CNNM4: variants seen among roughly 807,000 people sequenced by gnomAD.
CNNM4 encodes the protein cyclin and CBS domain divalent metal cation transport mediator 4.
In CNNM4, 32 loss-of-function variants were observed where a neutral mutation model predicts 53.7. That is an observed-to-expected ratio of 0.60 (90% CI 0.45 to 0.80). The LOEUF (loss-of-function observed/expected upper bound fraction) is 0.80. Among genes scored for constraint, CNNM4 ranks in the 30% least tolerant of loss-of-function variants. The pLI is 0.00. For synonymous variants in CNNM4, 410 were observed against 440.0 expected, an observed-to-expected ratio of 0.93 and a Z score of 0.85; for missense variants, 784 against 1,022.0, an observed-to-expected ratio of 0.77 and a Z score of 3.17.
At chr2:96,771,461 T>C (rs983562908) in intron 1 of CNNM4, among the ~76,000 whole-genome samples, 1 of 152,058 alleles carries the variant, frequency 6.6e-6, no homozygotes, top group African/African-American at 2.4e-5. Flanking sequence ...TCCCAGTACT[T>C]TGGGAGGCCG....
intron 1 of CNNM4, among the ~76,000 whole-genome samples, chr2:96,784,653 A>T (rs557786440): frequency 3.5e-4 from 54 of 152,344 alleles, no homozygotes; most frequent in South Asian, 1.0e-3. Flanking sequence ...GAAGAAGGCT[A>T]TCTGTAGCAG....
chr2:96,763,902 T>C (rs1040205890), intron 1 of CNNM4, among the ~76,000 whole-genome samples: 2 of 143,522 alleles, frequency 1.4e-5, no homozygotes, highest in African/African-American at 2.5e-5. Flanking sequence ...TGGGGGCGGC[T>C]TTGGGAGTGC....
At chr2:96,795,369 C>T (rs1050225309) in intron 1 of CNNM4, among the ~76,000 whole-genome samples, 6 of 152,186 alleles carry the variant, frequency 3.9e-5, no homozygotes, top group East Asian at 1.9e-4. Context: ...TATTTTCAAT[C>T]GAGTCCAGCC....
chr2:96,787,419 T>C (rs945384290), intron 1 of CNNM4, among the ~76,000 whole-genome samples: 1 of 152,196 alleles, frequency 6.6e-6, no homozygotes, highest in African/African-American at 2.4e-5. Context: ...AGCTAGTGGT[T>C]TTTCTTAGGG....
At chr2:96,773,063 G>A (rs138399732) in intron 1 of CNNM4, among the ~76,000 whole-genome samples, 8 of 152,170 alleles carry the variant, frequency 5.3e-5, no homozygotes, top group African/African-American at 1.9e-4. Context: ...ACACAGGCTC[G>A]CAAACGCCCA....
chr2:96,777,929 C>T (rs899070360), intron 1 of CNNM4, among the ~76,000 whole-genome samples: 11 of 151,178 alleles, frequency 7.3e-5, no homozygotes, highest in African/African-American at 2.2e-4. Context: ...CACAGTAGTG[C>T]GATCTTGGCT....
In CNNM4 at chr2:96,762,412, A is replaced by T. The variant is rs2078773976; in HGVS notation, c.1402+11A>T. 1 of 1,612,732 alleles carries T rather than the reference A, an allele frequency of 6.2e-7. No individual in the cohort carries two copies. Among genetic ancestry groups the T allele is most frequent in the East Asian group, 2.2e-5 (1 of 44,866 alleles). On this transcript the variant is annotated intron_variant, in intron 1 of 6. Transcript: ENST00000377075. ...AGGAGTTCAAGAAGGGTAAGGCCAGATGTAGTTCCCCTGGTTCAATTTCCT... is the reference window on the plus strand; with the variant it reads ...AGGAGTTCAAGAAGGGTAAGGCCAGTTGTAGTTCCCCTGGTTCAATTTCCT...
intron 1 of CNNM4, among the ~76,000 whole-genome samples, chr2:96,791,082 T>C (rs1210899365): frequency 7.0e-6 from 1 of 143,880 alleles, no homozygotes; most frequent in Non-Finnish European, 1.5e-5. Context: ...ATCGCACCAC[T>C]GCACTCCAGC....
At chr2:96,794,743 T>C (rs926837149) in intron 1 of CNNM4, among the ~76,000 whole-genome samples, 1 of 152,144 alleles carries the variant, frequency 6.6e-6, no homozygotes, top group Non-Finnish European at 1.5e-5. Flanking sequence ...GAACCCTTGA[T>C]TTTGTGACAT....
At chr2:96,782,207 G>C (rs2078981049) in intron 1 of CNNM4, among the ~76,000 whole-genome samples, 1 of 152,090 alleles carries the variant, frequency 6.6e-6, no homozygotes, top group Admixed American at 6.6e-5. Flanking sequence ...TTGGGAGGCT[G>C]AGACGAATGG....
intron 3 of CNNM4, 141 bp from the exon 4 acceptor site, chr2:96,798,916 C>T (rs1465349727): frequency 1.2e-6 from 1 of 814,948 alleles, no homozygotes; most frequent in Non-Finnish European, 2.1e-6. Flanking sequence ...CAGGGAGGTG[C>T]AGAACGAGGG....
In CNNM4 at chr2:96,760,987, G is replaced by A; in HGVS notation, c.-13G>A. 9.1e-7 allele frequency: 1 copy of A among 1,101,382 alleles called. No individual in the cohort carries two copies. Among genetic ancestry groups the A allele is most frequent in the Non-Finnish European group, 1.1e-6 (1 of 905,144 alleles). 68.2% of individuals were successfully genotyped at this position (1,101,382 alleles called of 1,614,324 possible). A position where few individuals can be genotyped will look rare whatever the true frequency, so the allele number is the denominator to read the frequency against. On this transcript the variant is annotated 5_prime_UTR_variant, in exon 1 of 7. Transcript: ENST00000377075. ...GGCGCGGGGAGCGGCGGCGGCGGCA[G>A]AGCCAGAGCAACATGGCGCCGGTGG...
At chr2:96,805,070 TAG>T (rs2079189613) in intron 5 of CNNM4, among the ~76,000 whole-genome samples, 1 of 152,260 alleles carries the variant, frequency 6.6e-6, no homozygotes, top group Admixed American at 6.5e-5. Context: ...TTCCTGTTTC[TAG>T]AGTGTTAGCA....
chr2:96,802,891 G>A (rs911253964), intron 5 of CNNM4, among the ~76,000 whole-genome samples: 5 of 152,140 alleles, frequency 3.3e-5, no homozygotes, highest in African/African-American at 7.2e-5. Context: ...CAACCAGGCC[G>A]CAGAGGGCAC....
intron 1 of CNNM4, among the ~76,000 whole-genome samples, chr2:96,792,049 C>T (rs2079066534): frequency 6.6e-6 from 1 of 151,508 alleles, no homozygotes; most frequent in Non-Finnish European, 1.5e-5. Flanking sequence ...AGATCAGGAG[C>T]AGGAGAGTAG....
Position 96,797,754 on chromosome 2 carries a change from G to T in CNNM4, c.1681+107G>T. 1 of 1,473,486 alleles carries T rather than the reference G, an allele frequency of 6.8e-7. No individual in the cohort carries two copies. The highest frequency in any genetic ancestry group is 1.4e-5 in the African/African-American group (1 of 72,296). The allele number at this position is 1,473,486 out of a possible 1,614,324, so 91.3% of individuals were successfully genotyped here. A position where few individuals can be genotyped will look rare whatever the true frequency, so the allele number is the denominator to read the frequency against. The stretch of plus-strand genomic sequence containing the variant: ...ATAGGACGAGGGCTGCAGCAGGTGA[G>T]GGGTGCAGAGACAACACAGCCACCC... On this transcript the variant is annotated intron_variant, in intron 3 of 6. Coordinates refer to ENST00000377075, the MANE Select transcript of CNNM4 (RefSeq NM_020184.4). The surrounding 1 kb of genome is among the most constrained non-coding windows in gnomAD (Gnocchi z 6.0).
rs372828975 is a variant in CNNM4 at position 96,762,340 on chromosome 2, C to T, written c.1341C>T (p.His447=). Residue 447 remains histidine (H), a synonymous_variant, in exon 1 of 7, where the codon CAC becomes CAT. Coordinates refer to ENST00000377075, the MANE Select transcript of CNNM4 (RefSeq NM_020184.4). The stretch of plus-strand genomic sequence containing the variant: ...AGACTATCACTCGCTTCTATAACCA[C>T]CCGGTGCACTTTGTCTTCCATGACA... The part of the protein sequence containing the change: ...PLKTITRFYN[H]PVHFVFHDTK... 10 of 1,614,184 alleles carry T rather than the reference C, an allele frequency of 6.2e-6. No individual in the cohort carries two copies. The African/African-American group carries it at 1.2e-4, about 19-fold the overall frequency.
At chr2:96,781,988 G>A (rs2078979269) in intron 1 of CNNM4, among the ~76,000 whole-genome samples, 1 of 152,132 alleles carries the variant, frequency 6.6e-6, no homozygotes, top group Non-Finnish European at 1.5e-5. Context: ...TTTTGTATCT[G>A]TTGAGATGAT....
At position 96,771,127 on chromosome 2, in the gene CNNM4, CT is replaced by C. The variant is rs537541391; in HGVS notation, c.1402+8727del. ...CCTGCTGCACTACAGCTCTCAGCCCCTGTGTCTGCTGCCACGCCTGCCCTGC... is the reference window on the plus strand; with the variant it reads ...CCTGCTGCACTACAGCTCTCAGCCCCGTGTCTGCTGCCACGCCTGCCCTGC... On this transcript the variant is annotated intron_variant, in intron 1 of 6. Transcript: ENST00000377075. Among the ~76,000 whole-genome samples the C allele has an allele frequency of 1.3e-4, 20 of 152,234 alleles. No homozygotes were observed. In the South Asian group the frequency reaches 3.5e-3, roughly 27 times the overall value.
Sources: gnomAD v4.1 joint callset for allele counts (sites outside exome capture counted in the v4.1 genomes callset) on GRCh38, gnomAD v4.1.1 for gene constraint, Gnocchi (gnomAD v3.1) non-coding constraint, MANE v1.5 for transcripts, NCBI Gene and HGNC (gene_info 2026-07-23, HGNC 2026-07-21) for gene names.